PTPRN2: variants seen among roughly 807,000 people sequenced by gnomAD.
The protein encoded by PTPRN2 is protein tyrosine phosphatase receptor type N2, also known as receptor-type tyrosine-protein phosphatase N2.
PTPRN2 carries 74 observed loss-of-function variants against 118.8 expected under a neutral mutation model. That is an observed-to-expected ratio of 0.62 (90% CI 0.52 to 0.76). The LOEUF (loss-of-function observed/expected upper bound fraction) is 0.76. Ranked by LOEUF, PTPRN2 falls within the 30% of genes least tolerant of loss-of-function variation. The probability of loss-of-function intolerance (pLI) is 0.00; values close to 1 mark genes in which losing one functional copy is unlikely to be tolerated. For missense variants in PTPRN2, 1,481 were observed against 1,394.4 expected (o/e 1.06, Z -0.99); for synonymous variants, 641 against 608.0 (o/e 1.05, Z -0.80).
Position 158,548,396 on chromosome 7 carries a change from CTGAG to C in PTPRN2, c.112+39158_112+39161del, listed in dbSNP as rs547039890. Among the ~76,000 whole-genome samples the C allele has an allele frequency of 8.0e-3, 1,215 of 152,296 alleles. 9 individuals carry two copies. Among genetic ancestry groups the C allele is most frequent in the Non-Finnish European group, 0.014 (977 of 68,040 alleles). On this transcript the variant is annotated intron_variant, in intron 1 of 22. Coordinates refer to ENST00000389418, the MANE Select transcript of PTPRN2 (RefSeq NM_002847.5). ...TTTCTCTTTCAAGGCATTGGTCAAACTGAGTGCCTTCCAGCATCTTCCCCAGAGA... is the reference window on the plus strand; with the variant it reads ...TTTCTCTTTCAAGGCATTGGTCAAACTGCCTTCCAGCATCTTCCCCAGAGA...
chr7:158,151,792 C>G (rs1158986781), intron 6 of PTPRN2, among the ~76,000 whole-genome samples: 1 of 152,202 alleles, frequency 6.6e-6, no homozygotes, highest in Non-Finnish European at 1.5e-5. Flanking sequence ...CACCAGCTAC[C>G]TTTGAAGGCG....
chr7:157,587,979 C>T lies in PTPRN2; in HGVS notation c.2496+7259G>A, dbSNP rs569339779. Among the ~76,000 whole-genome samples the T allele has an allele frequency of 4.9e-4, 74 of 151,352 alleles. No homozygotes were observed. Among genetic ancestry groups the T allele is most frequent in the African/African-American group, 1.4e-3 (59 of 41,270 alleles). On this transcript the variant is annotated intron_variant, in intron 17 of 22. Coordinates refer to ENST00000389418, the MANE Select transcript of PTPRN2 (RefSeq NM_002847.5). This position sits in a 1 kb window ranked among gnomAD's most constrained non-coding sequence, Gnocchi z 5.3. ...GTGGCTGTCCCCGTGCCTGGGCTCC[C>T]GCGGTGGCTGTCCCCGTGCCTGGGC...
intron 14 of PTPRN2, among the ~76,000 whole-genome samples, chr7:157,655,859 G>A (rs980099415): frequency 4.6e-5 from 7 of 152,022 alleles, no homozygotes; most frequent in Non-Finnish European, 8.8e-5. Flanking sequence ...GCGTCGCCGT[G>A]AGCCTCTGGC....
In PTPRN2 at chr7:158,395,175, G is replaced by C. The variant is rs965301094; in HGVS notation, c.164-78243C>G. The stretch of plus-strand genomic sequence containing the variant: ...ACCTTCCAGGAGCCTCCGGAGTCTG[G>C]GGTGGAGGGGCTGCAGTACCCGAGC... On this transcript the variant is annotated intron_variant, in intron 2 of 22. Coordinates refer to ENST00000389418, the MANE Select transcript of PTPRN2 (RefSeq NM_002847.5). 4.0e-5 allele frequency among the ~76,000 whole-genome samples: 6 copies of C among 151,820 alleles called. No homozygotes were observed. The East Asian group carries it at 1.2e-3, about 30-fold the overall frequency.
chr7:158,299,933 C>T (rs1236473352), intron 3 of PTPRN2, among the ~76,000 whole-genome samples: 9 of 152,132 alleles, frequency 5.9e-5, no homozygotes, highest in African/African-American at 2.2e-4. Flanking sequence ...AGCTCAGGGG[C>T]AGGTTCTGGA....
At chr7:157,677,015 T>A (rs533668871) in intron 13 of PTPRN2, among the ~76,000 whole-genome samples, 1 of 152,174 alleles carries the variant, frequency 6.6e-6, no homozygotes, top group Non-Finnish European at 1.5e-5. Context: ...TGAGCACCCA[T>A]CCTCCTCCCG....
rs746049451 is a variant in PTPRN2 at position 157,656,493 on chromosome 7, G to T, written c.2060C>A (p.Thr687Lys). The change falls in exon 14 of 23, where the codon ACG (threonine) becomes AAG (lysine). Residue 687 changes from threonine to lysine, a missense_variant. Around this residue, in one of 3 missense-constraint regions of PTPRN2, gnomAD observed 1,115 missense variants for 994.2 expected, o/e 1.12. Transcript: ENST00000389418. ...RPPDRPEGPH[T>K]SRISSVSSQF... ...GGATGAGACGCTGCTGATGCGTGACGTGTGCGGGCCCTCAGGTCGGTCTGG... is the reference window on the plus strand; with the variant it reads ...GGATGAGACGCTGCTGATGCGTGACTTGTGCGGGCCCTCAGGTCGGTCTGG... 6.4e-7 allele frequency: 1 copy of T among 1,554,220 alleles called. No homozygotes were observed. The highest frequency in any genetic ancestry group is 8.7e-7 in the Non-Finnish European group (1 of 1,153,646).
intron 12 of PTPRN2, among the ~76,000 whole-genome samples, chr7:157,897,689 T>G (rs1755369860): frequency 1.3e-5 from 2 of 152,234 alleles, no homozygotes; most frequent in Admixed American, 6.5e-5. Flanking sequence ...AACCTCTGTT[T>G]GGGAAGAGCG....
intron 11 of PTPRN2, among the ~76,000 whole-genome samples, chr7:158,058,017 T>C (rs1033310960): frequency 6.6e-5 from 10 of 152,240 alleles, no homozygotes; most frequent in Non-Finnish European, 1.0e-4. Flanking sequence ...CAAATAATTA[T>C]CTAGAAATAA....
intron 3 of PTPRN2, among the ~76,000 whole-genome samples, chr7:158,300,500 A>G (rs1435336390): frequency 6.6e-6 from 1 of 152,234 alleles, no homozygotes; most frequent in Non-Finnish European, 1.5e-5. Flanking sequence ...GAGACATCCC[A>G]TGAGGCGACG....
chr7:158,316,793 C>T lies in PTPRN2; in HGVS notation c.277+26G>A, dbSNP rs200495409. On this transcript the variant is annotated intron_variant, in intron 3 of 22. Transcript: ENST00000389418. ...TGCGGTCGCTCAGTGCGGCAGCCGC[C>T]GAGCCTCGGCCCACGCCCGCCCTAC... The T allele has an allele frequency of 2.1e-5, 33 of 1,555,336 alleles. No homozygotes were observed. The East Asian group carries it at 6.1e-4, about 29-fold the overall frequency.
intron 12 of PTPRN2, among the ~76,000 whole-genome samples, chr7:157,720,513 C>A (rs1182596080): frequency 6.6e-6 from 1 of 152,238 alleles, no homozygotes; most frequent in Non-Finnish European, 1.5e-5. Context: ...ATCCAGCGGC[C>A]GACCCTGCTT....
At chr7:158,365,124 GA>G (rs1403457994) in intron 2 of PTPRN2, among the ~76,000 whole-genome samples, 2 of 152,154 alleles carry the variant, frequency 1.3e-5, no homozygotes, top group East Asian at 3.9e-4. Context: ...GACACAATCT[GA>G]AAAAACCCCA....
At chr7:158,585,247 T>C (rs1035309403) in intron 1 of PTPRN2, among the ~76,000 whole-genome samples, 31 of 152,176 alleles carry the variant, frequency 2.0e-4, no homozygotes, top group Admixed American at 1.3e-4. Flanking sequence ...TGAGTGAGGA[T>C]GGTACAAGGT....
At chr7:158,446,692 T>G (rs1378420858) in intron 2 of PTPRN2, among the ~76,000 whole-genome samples, 1 of 152,236 alleles carries the variant, frequency 6.6e-6, no homozygotes, top group African/African-American at 2.4e-5. Flanking sequence ...CAGTAAGTTT[T>G]GTTGTTTGGT....
At chr7:158,436,167 C>T (rs2129431472) in intron 2 of PTPRN2, among the ~76,000 whole-genome samples, 1 of 152,338 alleles carries the variant, frequency 6.6e-6, no homozygotes, top group East Asian at 1.9e-4. Context: ...AACACTAACT[C>T]CTTTACCTTC....
At chr7:158,230,025 C>T (rs1243259098) in intron 3 of PTPRN2, among the ~76,000 whole-genome samples, 1 of 152,166 alleles carries the variant, frequency 6.6e-6, no homozygotes, top group Non-Finnish European at 1.5e-5. Context: ...TTTAAAGCAG[C>T]TCTCATTTGT....
chr7:158,583,553 G>A (rs575498776), intron 1 of PTPRN2, among the ~76,000 whole-genome samples: 5 of 151,968 alleles, frequency 3.3e-5, no homozygotes, highest in African/African-American at 1.2e-4. Flanking sequence ...GCTGCCAGAC[G>A]CTAACACACA....
At chr7:158,146,063 TC>T (rs947736441) in intron 6 of PTPRN2, among the ~76,000 whole-genome samples, 1 of 106,526 alleles carries the variant, frequency 9.4e-6, no homozygotes, top group African/African-American at 3.0e-5. Flanking sequence ...TCCACTCTTT[TC>T]CCCCTTTCCC....
Sources: allele counts gnomAD v4.1 joint callset (sites outside exome capture counted in the v4.1 genomes callset), GRCh38; gene constraint gnomAD v4.1.1; regional missense constraint gnomAD v4.1.1; non-coding constraint Gnocchi (gnomAD v3.1); transcripts MANE v1.5; gene names NCBI Gene and HGNC (gene_info 2026-07-23, HGNC 2026-07-21).